The following ABLIM2 variants were observed in gnomAD, a reference collection of about 807,000 sequenced individuals.
ABLIM2 encodes actin-binding LIM protein 2.
Under a neutral mutation model 97.7 loss-of-function variants are expected in ABLIM2, and 53 were observed. The observed-to-expected ratio is 0.54, with a 90% confidence interval of 0.44 to 0.68. The LOEUF (loss-of-function observed/expected upper bound fraction) is 0.68. Ranked by LOEUF, ABLIM2 falls within the 30% of genes least tolerant of loss-of-function variation. The probability of loss-of-function intolerance (pLI) is 0.00; values close to 1 mark genes in which losing one functional copy is unlikely to be tolerated. For missense variants in ABLIM2, 835 were observed against 867.2 expected (o/e 0.96, Z 0.47); for synonymous variants, 361 against 345.8 (o/e 1.04, Z -0.49).
intron 3 of ABLIM2, among the ~76,000 whole-genome samples, chr4:8,094,338 C>T (rs1830308215): frequency 6.6e-6 from 1 of 152,206 alleles, no homozygotes; most frequent in Non-Finnish European, 1.5e-5. Flanking sequence ...ACTCCTCAAA[C>T]ACCGAGTTAA....
In ABLIM2 at chr4:8,032,386, G is replaced by A. The variant is rs867952478; in HGVS notation, c.1048-2610C>T. The stretch of plus-strand genomic sequence containing the variant: ...TAAAGGAAGCCACGGCCCAGACCAC[G>A]ATCTGCTCAGGGTAGACCCGCGTCC... On this transcript the variant is annotated intron_variant, in intron 10 of 20. Transcript: ENST00000447017. This position sits in a 1 kb window ranked among gnomAD's most constrained non-coding sequence, Gnocchi z 4.3. Among the ~76,000 whole-genome samples, 1 of 152,146 alleles carries A rather than the reference G, an allele frequency of 6.6e-6. No individual in the cohort carries two copies. The highest frequency in any genetic ancestry group is 2.4e-5 in the African/African-American group (1 of 41,440).
Position 7,966,872 on chromosome 4 carries a change from C to CCCCCCCCCCAG in ABLIM2, c.*117_*118insCTGGGGGGGGG. 1 of 224,084 alleles carries CCCCCCCCCCAG rather than the reference C, an allele frequency of 4.5e-6. No individual in the cohort carries two copies. The allele number at this position is 224,084 out of a possible 1,614,324, so 13.9% of individuals were successfully genotyped here. ...GCACCTGCTGGGGGACCCCCTCCCGCCCACCCCATGGACACAGAGAAGCCA... is the reference window on the plus strand; with the variant it reads ...GCACCTGCTGGGGGACCCCCTCCCGCCCCCCCCCCAGCCACCCCATGGACACAGAGAAGCCA... On this transcript the variant is annotated 3_prime_UTR_variant, in exon 21 of 21. Transcript: ENST00000447017.
chr4:8,077,709 G>A lies in ABLIM2; in HGVS notation c.594C>T (p.Pro198=), dbSNP rs375933150. 74 of 1,611,958 alleles carry A rather than the reference G, an allele frequency of 4.6e-5. No homozygotes were observed. Among genetic ancestry groups the A allele is most frequent in the Non-Finnish European group, 6.1e-5 (72 of 1,179,036 alleles). Residue 198 remains proline (P), a synonymous_variant, in exon 6 of 21, where the codon CCC becomes CCT. Coordinates refer to ENST00000447017, the MANE Select transcript of ABLIM2 (RefSeq NM_001130083.2). The stretch of plus-strand genomic sequence containing the variant: ...TGGCGTGATAGTCAGCTTCGCAGTA[G>A]GGCAGCCCATCCCTGCAATGAGACA... The part of the protein sequence containing the change: ...NAEYISKDGL[P]YCEADYHAKF...
chr4:7,968,619 C>T (rs1186647125), intron 20 of ABLIM2, among the ~76,000 whole-genome samples: 1 of 152,188 alleles, frequency 6.6e-6, no homozygotes, highest in Non-Finnish European at 1.5e-5. Context: ...TCTGAAGTGT[C>T]CGGAACAGGC....
intron 2 of ABLIM2, among the ~76,000 whole-genome samples, chr4:8,102,754 G>A (rs1305379792): frequency 1.3e-5 from 2 of 152,214 alleles, no homozygotes; most frequent in Admixed American, 1.3e-4. Context: ...AGGAGCTCTT[G>A]AATTGTCTTC....
chr4:8,152,595 C>T (rs954592816), intron 1 of ABLIM2, among the ~76,000 whole-genome samples: 1 of 152,236 alleles, frequency 6.6e-6, no homozygotes, highest in East Asian at 1.9e-4. Context: ...CTGCTCGACT[C>T]GGGTTGCTCT....
chr4:8,097,837 C>T (rs913526524), intron 2 of ABLIM2, among the ~76,000 whole-genome samples: 3 of 152,092 alleles, frequency 2.0e-5, no homozygotes, highest in East Asian at 1.9e-4. Context: ...TCATGGCCCT[C>T]GACGCCTGTC....
In ABLIM2 at chr4:8,148,796, G is replaced by C. The variant is rs1317976849; in HGVS notation, c.10+9884C>G. 6.6e-6 allele frequency among the ~76,000 whole-genome samples: 1 copy of C among 152,162 alleles called. No individual in the cohort carries two copies. The highest frequency in any genetic ancestry group is 2.4e-5 in the African/African-American group (1 of 41,444). ...AGAGATGAGGAGGCCAAGGCTCAGG[G>C]GGTACATGGCCTGGGCTGGTTCCTG... On this transcript the variant is annotated intron_variant, in intron 1 of 20. Coordinates refer to ENST00000447017, the MANE Select transcript of ABLIM2 (RefSeq NM_001130083.2). The surrounding 1 kb of genome is among the most constrained non-coding windows in gnomAD (Gnocchi z 6.7).
At chr4:8,037,782 C>G (rs1013900963) in intron 9 of ABLIM2, among the ~76,000 whole-genome samples, 1 of 152,244 alleles carries the variant, frequency 6.6e-6, no homozygotes, top group Admixed American at 6.5e-5. Context: ...GGTCGGGGGC[C>G]CTTCTGTCCT....
At chr4:7,987,077 G>A (rs1196276243) in intron 17 of ABLIM2, among the ~76,000 whole-genome samples, 2 of 152,144 alleles carry the variant, frequency 1.3e-5, no homozygotes, top group Non-Finnish European at 2.9e-5. Flanking sequence ...CTGCTTCCTG[G>A]GCAATCCTCC....
chr4:8,102,966 T>C (rs937731434), intron 2 of ABLIM2, among the ~76,000 whole-genome samples: 4 of 152,220 alleles, frequency 2.6e-5, no homozygotes, highest in African/African-American at 9.6e-5. Context: ...GGGAGGGTTA[T>C]GCGAGGAGAC....
chr4:8,011,831 C>T (rs796788697), intron 14 of ABLIM2, among the ~76,000 whole-genome samples: 9 of 152,272 alleles, frequency 5.9e-5, no homozygotes, highest in African/African-American at 1.9e-4. Context: ...TTGGAGGCAT[C>T]TGAATGAAAG....
Position 8,002,475 on chromosome 4 carries a change from A to G in ABLIM2, c.1618+5584T>C, listed in dbSNP as rs1757895360. Among the ~76,000 whole-genome samples, 2 of 152,132 alleles carry G rather than the reference A, an allele frequency of 1.3e-5. No individual in the cohort carries two copies. The highest frequency in any genetic ancestry group is 6.5e-5 in the Admixed American group (1 of 15,280). On this transcript the variant is annotated intron_variant, in intron 16 of 20. Coordinates refer to ENST00000447017, the MANE Select transcript of ABLIM2 (RefSeq NM_001130083.2). This position sits in a 1 kb window ranked among gnomAD's most constrained non-coding sequence, Gnocchi z 6.1. ...CTGGGCAGCCTCCAGTCCACCGTCT[A>G]TGCAGCTGCCTTCTGATGTTTTAAA... is the stretch of plus-strand genomic sequence containing the variant.
At chr4:8,088,023 C>G (rs1824898634) in intron 4 of ABLIM2, 146 bp downstream of exon 4, 1 of 284,530 alleles carries the variant, frequency 3.5e-6, no homozygotes, top group African/African-American at 2.6e-5. Flanking sequence ...ATGCCCTATA[C>G]TCAGCACCGC....
At chr4:7,972,919 A>G (rs1359650856) in intron 20 of ABLIM2, among the ~76,000 whole-genome samples, 1 of 152,102 alleles carries the variant, frequency 6.6e-6, no homozygotes, top group Non-Finnish European at 1.5e-5. Context: ...TAAACAAAGG[A>G]GATATTCTTT....
intron 6 of ABLIM2, among the ~76,000 whole-genome samples, chr4:8,077,257 G>A (rs1412906154): frequency 6.6e-6 from 1 of 152,146 alleles, no homozygotes; most frequent in Non-Finnish European, 1.5e-5. Context: ...CCTGCCTCCC[G>A]GGCGACCCCG....
chr4:8,059,754 A>C (rs970828197), intron 7 of ABLIM2, among the ~76,000 whole-genome samples: 11 of 151,992 alleles, frequency 7.2e-5, no homozygotes, highest in Non-Finnish European at 1.2e-4. Context: ...ATACAAAAAA[A>C]AATTAGCCGG....
chr4:8,117,732 G>A (rs1843432751), intron 1 of ABLIM2, among the ~76,000 whole-genome samples: 1 of 152,058 alleles, frequency 6.6e-6, no homozygotes, highest in Non-Finnish European at 1.5e-5. Context: ...GTACTGGGAT[G>A]ACTTTATTAT....
chr4:8,022,979 TTCC>T lies in ABLIM2; in HGVS notation c.1268-2679_1268-2677del, dbSNP rs1308648284. ...TTTCCTCTTCCTCCTCTGCCTCCTCTTCCTCTTTTTCCTTTCTCCTCCTCCTCT... is the reference window on the plus strand; with the variant it reads ...TTTCCTCTTCCTCCTCTGCCTCCTCTTCTTTTTCCTTTCTCCTCCTCCTCT... On this transcript the variant is annotated intron_variant, in intron 12 of 20. Coordinates refer to ENST00000447017, the MANE Select transcript of ABLIM2 (RefSeq NM_001130083.2). This position sits in a 1 kb window ranked among gnomAD's most constrained non-coding sequence, Gnocchi z 7.8. 3 of 154,316 alleles carry T rather than the reference TTCC, an allele frequency of 1.9e-5. No individual in the cohort carries two copies. The highest frequency in any genetic ancestry group is 1.8e-4 in the East Asian group (1 of 5,440). The allele number at this position is 154,316 out of a possible 1,614,324, so 9.6% of individuals were successfully genotyped here.
Sources: allele counts gnomAD v4.1 joint callset (sites outside exome capture counted in the v4.1 genomes callset), GRCh38; gene constraint gnomAD v4.1.1; non-coding constraint Gnocchi (gnomAD v3.1); transcripts MANE v1.5; gene names NCBI Gene and HGNC (gene_info 2026-07-23, HGNC 2026-07-21).